Variants in TAFA1 observed in about 807,000 individuals in gnomAD.
TAFA1 encodes the protein TAFA chemokine like family member 1.
A neutral mutation model predicts 18.5 loss-of-function variants in TAFA1; 4 were observed. The ratio of observed to expected loss-of-function variants is 0.22; its 90% CI spans 0.11 to 0.49. The LOEUF (loss-of-function observed/expected upper bound fraction) is 0.49, where lower values mean the gene tolerates loss of function less well. TAFA1 is among the 20% of genes least tolerant of loss of function. TAFA1 has a pLI of 0.98. For synonymous variants in TAFA1, 56 were observed against 55.2 expected (o/e 1.01, Z -0.06); for missense variants, 147 against 169.0 (o/e 0.87, Z 0.72).
At chr3:68,071,615 T>G (rs2064756236) in intron 2 of TAFA1, among the ~76,000 whole-genome samples, 4 of 152,188 alleles carry the variant, frequency 2.6e-5, no homozygotes, top group Admixed American at 2.6e-4. Context: ...GTTGTGCCAC[T>G]TAGCATTTCT....
At chr3:68,108,700 G>C (rs2065231816) in intron 2 of TAFA1, among the ~76,000 whole-genome samples, 2 of 152,036 alleles carry the variant, frequency 1.3e-5, no homozygotes, top group African/African-American at 2.4e-5. Context: ...TTGCTGATTA[G>C]ATGAAGGTAT....
chr3:67,992,448 C>T, the TAFA1 span, among the ~76,000 whole-genome samples: 1 of 152,146 alleles, frequency 6.6e-6, no homozygotes, highest in Admixed American at 6.5e-5. Context: ...AGATTTATTT[C>T]TATCCTGAGT....
intron 2 of TAFA1, among the ~76,000 whole-genome samples, chr3:68,270,210 A>G (rs1255296860): frequency 6.6e-6 from 1 of 152,118 alleles, no homozygotes; most frequent in East Asian, 1.9e-4. Flanking sequence ...CAGCTTCATC[A>G]CTTTCTTAAT....
intron 2 of TAFA1, among the ~76,000 whole-genome samples, chr3:68,275,633 G>T (rs1305897487): frequency 3.3e-5 from 5 of 151,952 alleles, no homozygotes; most frequent in Admixed American, 6.6e-5. Flanking sequence ...AGGAGATAAT[G>T]ATGAGGAATG....
At chr3:68,018,921 T>C (rs1559704219) in intron 2 of TAFA1, among the ~76,000 whole-genome samples, 1 of 152,212 alleles carries the variant, frequency 6.6e-6, no homozygotes, top group Non-Finnish European at 1.5e-5. Flanking sequence ...TCTTATGATA[T>C]GACATTTGGT....
At chr3:67,992,757 C>G in the TAFA1 span, among the ~76,000 whole-genome samples, 1 of 152,212 alleles carries the variant, frequency 6.6e-6, no homozygotes, top group African/African-American at 2.4e-5. Context: ...CTCCTTCTCT[C>G]TCTCCATCTT....
chr3:68,025,422 A>G, intron 2 of TAFA1, among the ~76,000 whole-genome samples: 1 of 152,046 alleles, frequency 6.6e-6, no homozygotes, highest in East Asian at 1.9e-4. Context: ...ATATTCTACA[A>G]TCTATATTTT....
intron 2 of TAFA1, among the ~76,000 whole-genome samples, chr3:68,293,513 C>T (rs564813926): frequency 1.2e-4 from 18 of 152,288 alleles, no homozygotes; most frequent in African/African-American, 4.3e-4. Flanking sequence ...GACTCAAACC[C>T]TATTGTCACT....
At chr3:68,123,326 T>C (rs1483946820) in intron 2 of TAFA1, among the ~76,000 whole-genome samples, 2 of 152,052 alleles carry the variant, frequency 1.3e-5, no homozygotes, top group Non-Finnish European at 2.9e-5. Context: ...TTTACATATT[T>C]CTCAAAGTAC....
At chr3:68,425,815 C>A (rs1181491373) in intron 3 of TAFA1, among the ~76,000 whole-genome samples, 3 of 151,788 alleles carry the variant, frequency 2.0e-5, no homozygotes, top group African/African-American at 7.2e-5. Flanking sequence ...CTGGCAAAAA[C>A]CATTCTCAGA....
chr3:68,371,286 T>C (rs1179555603), intron 2 of TAFA1, among the ~76,000 whole-genome samples: 1 of 152,182 alleles, frequency 6.6e-6, no homozygotes, highest in Non-Finnish European at 1.5e-5. Flanking sequence ...AATATACATG[T>C]GTCGTGGTGG....
At chr3:68,185,130 G>A (rs1354437769) in intron 2 of TAFA1, among the ~76,000 whole-genome samples, 2 of 152,084 alleles carry the variant, frequency 1.3e-5, no homozygotes, top group Non-Finnish European at 2.9e-5. Context: ...GTGGAGATGT[G>A]TAGCCAGAGG....
intron 2 of TAFA1, among the ~76,000 whole-genome samples, chr3:68,395,832 T>G (rs1167131336): frequency 6.6e-6 from 1 of 152,034 alleles, no homozygotes; most frequent in African/African-American, 2.4e-5. Context: ...GGAGGGATAC[T>G]ATTAGGAGAA....
chr3:68,046,489 A>C (rs370442029), intron 2 of TAFA1, among the ~76,000 whole-genome samples: 2 of 152,322 alleles, frequency 1.3e-5, no homozygotes, highest in Non-Finnish European at 1.5e-5. Flanking sequence ...CTTTTTAAAC[A>C]AATGTTTGGC....
At chr3:68,097,510 G>A (rs1196755370) in intron 2 of TAFA1, among the ~76,000 whole-genome samples, 1 of 152,038 alleles carries the variant, frequency 6.6e-6, no homozygotes, top group Non-Finnish European at 1.5e-5. Context: ...TGTATAATAT[G>A]GGTTTGTATT....
chr3:68,182,639 C>A (rs780848158), intron 2 of TAFA1, among the ~76,000 whole-genome samples: 2 of 152,112 alleles, frequency 1.3e-5, no homozygotes, highest in African/African-American at 2.4e-5. Context: ...ACTTAATGCA[C>A]AACACTCTTT....
chr3:68,478,418 GAAAA>G (rs1199409223), intron 3 of TAFA1, among the ~76,000 whole-genome samples: 1 of 151,606 alleles, frequency 6.6e-6, no homozygotes, highest in Non-Finnish European at 1.5e-5. Context: ...GAAATAAGAA[GAAAA>G]AAAACAAGTA....
intron 2 of TAFA1, among the ~76,000 whole-genome samples, chr3:68,076,180 G>T (rs927761124): frequency 6.6e-6 from 1 of 152,118 alleles, no homozygotes; most frequent in Non-Finnish European, 1.5e-5. Context: ...TTTACTTGTG[G>T]TGTAGTGGTC....
intron 2 of TAFA1, among the ~76,000 whole-genome samples, chr3:68,414,496 G>A (rs2106789060): frequency 6.6e-6 from 1 of 152,230 alleles, no homozygotes; most frequent in Middle Eastern, 3.4e-3. Flanking sequence ...CTAGTGACTG[G>A]GGTCACACTT....
Sources: gnomAD v4.1 joint callset for allele counts (sites outside exome capture counted in the v4.1 genomes callset) on GRCh38, gnomAD v4.1.1 for gene constraint, MANE v1.5 for transcripts, NCBI Gene and HGNC (gene_info 2026-07-23, HGNC 2026-07-21) for gene names.